The following PPHLN1 variants were observed in gnomAD, a reference collection of about 807,000 sequenced individuals.
PPHLN1 encodes periphilin 1, also known as periphilin-1.
In PPHLN1, 29 loss-of-function variants were observed where a neutral mutation model predicts 51.3. The observed-to-expected ratio is 0.57, with a 90% confidence interval of 0.42 to 0.77. The LOEUF (loss-of-function observed/expected upper bound fraction) is 0.77, where lower values mean the gene tolerates loss of function less well. PPHLN1 is among the 30% of genes least tolerant of loss of function. The pLI is 0.00. For synonymous variants in PPHLN1, 147 were observed against 147.8 expected (o/e 0.99, Z 0.04); for missense variants, 436 against 438.4 (o/e 0.99, Z 0.05).
At chr12:42,383,983 CAAAAAAAAAAAAAAA>C (rs61016692) in intron 5 of PPHLN1, among the ~76,000 whole-genome samples, 11,175 of 52,524 alleles carry the variant, frequency 0.21, 718 homozygotes, top group Middle Eastern at 0.41. Context: ...GACTGTGTCT[CAAAAAAAAAAAAAAA>C]AAAAAAAAAA....
chr12:42,426,172 C>CCACACACACACA (rs71084653), intron 9 of PPHLN1, among the ~76,000 whole-genome samples: 1,244 of 122,110 alleles, frequency 0.01, 21 homozygotes, highest in African/African-American at 0.015. Context: ...AGACTTGACA[C>CCACACACACACA]CACACACACA....
At chr12:42,412,789 GT>G (rs2079992319) in intron 9 of PPHLN1, among the ~76,000 whole-genome samples, 1 of 152,012 alleles carries the variant, frequency 6.6e-6, no homozygotes, top group African/African-American at 2.4e-5. Flanking sequence ...CAACATTATT[GT>G]TTTTTGACTT....
intron 5 of PPHLN1, among the ~76,000 whole-genome samples, chr12:42,381,209 CTCA>C (rs1352918434): frequency 1.3e-5 from 2 of 152,168 alleles, no homozygotes; most frequent in Non-Finnish European, 2.9e-5. Flanking sequence ...CCATTGTTTA[CTCA>C]CAAGAGAGCT....
At chr12:42,354,962 A>G (rs2073863085) in intron 3 of PPHLN1, among the ~76,000 whole-genome samples, 199 bp from the exon 4 acceptor site, 2 of 152,226 alleles carry the variant, frequency 1.3e-5, no homozygotes, top group African/African-American at 4.8e-5. Flanking sequence ...AAGCATTTTA[A>G]TAGAGATAAA....
At chr12:42,379,502 G>T (rs1311034152) in intron 5 of PPHLN1, among the ~76,000 whole-genome samples, 1 of 148,076 alleles carries the variant, frequency 6.8e-6, no homozygotes, top group Non-Finnish European at 1.5e-5. Flanking sequence ...CCTTTTATTT[G>T]TCATGGTTTC....
At chr12:42,439,067 G>A (rs968939097) in intron 9 of PPHLN1, among the ~76,000 whole-genome samples, 1 of 151,990 alleles carries the variant, frequency 6.6e-6, no homozygotes, top group Non-Finnish European at 1.5e-5. Context: ...AATTTATTGG[G>A]GTTTTTCTTG....
At chr12:42,388,575 T>C (rs1592641086) in intron 7 of PPHLN1, among the ~76,000 whole-genome samples, 1 of 152,238 alleles carries the variant, frequency 6.6e-6, no homozygotes, top group African/African-American at 2.4e-5. Flanking sequence ...TGCAGGTCCT[T>C]ATTATGGTGA....
downstream of PPHLN1, chr12:42,443,515 C>T (rs981811133): frequency 6.6e-6 from 1 of 152,174 alleles, no homozygotes; most frequent in African/African-American, 2.4e-5. Flanking sequence ...AGTACCTCCC[C>T]TGGAGGACAG....
At chr12:42,437,595 T>C (rs1184551684) in intron 9 of PPHLN1, among the ~76,000 whole-genome samples, 1 of 152,224 alleles carries the variant, frequency 6.6e-6, no homozygotes, top group Admixed American at 6.5e-5. Flanking sequence ...ATATGCCCGT[T>C]CTCCCTACAC....
At chr12:42,432,210 AG>A in intron 9 of PPHLN1, 2 of 805,304 alleles carry the variant, frequency 2.5e-6, no homozygotes, top group South Asian at 2.7e-5. Context: ...TCTATTTCAG[AG>A]GGGTTAGACA....
chr12:42,432,042 C>A, intron 9 of PPHLN1: 1 of 1,556,330 alleles, frequency 6.4e-7, no homozygotes, highest in Non-Finnish European at 8.9e-7. Flanking sequence ...GGGCACAGAA[C>A]TGATGGAGGA....
At chr12:42,356,423 A>T (rs2074054685) in intron 4 of PPHLN1, among the ~76,000 whole-genome samples, 1 of 152,188 alleles carries the variant, frequency 6.6e-6, no homozygotes, top group Non-Finnish European at 1.5e-5. Flanking sequence ...CCTTTTGTAG[A>T]AAGCAGAAAG....
intron 9 of PPHLN1, among the ~76,000 whole-genome samples, chr12:42,437,223 G>A (rs955361229): frequency 5.3e-5 from 8 of 152,068 alleles, no homozygotes; most frequent in East Asian, 1.9e-4. Context: ...CCCAAACACC[G>A]TTTCCTTTTC....
At chr12:42,428,585 G>A (rs2081717282) in intron 9 of PPHLN1, among the ~76,000 whole-genome samples, 1 of 152,110 alleles carries the variant, frequency 6.6e-6, no homozygotes. Flanking sequence ...AAAGGCATAA[G>A]AAAGACACAG....
intron 1 of PPHLN1, among the ~76,000 whole-genome samples, chr12:42,329,303 C>T (rs1364903576): frequency 6.6e-6 from 1 of 152,010 alleles, no homozygotes; most frequent in Non-Finnish European, 1.5e-5. Context: ...GATGGGGTTT[C>T]ACCGTGTTAG....
intron 5 of PPHLN1, among the ~76,000 whole-genome samples, chr12:42,377,301 C>CTTT (rs11297368): frequency 2.5e-3 from 259 of 104,716 alleles, no homozygotes; most frequent in Non-Finnish European, 3.7e-3. Flanking sequence ...TTTTTTCTTT[C>CTTT]TTTTTTTTTT....
intron 4 of PPHLN1, among the ~76,000 whole-genome samples, chr12:42,373,365 A>G (rs2075974151): frequency 1.3e-5 from 2 of 152,232 alleles, no homozygotes; most frequent in Non-Finnish European, 2.9e-5. Context: ...CCATAAATGA[A>G]TTTAAGCTAT....
chr12:42,372,105 A>G (rs1401713147), intron 4 of PPHLN1, among the ~76,000 whole-genome samples: 1 of 152,146 alleles, frequency 6.6e-6, no homozygotes, highest in Non-Finnish European at 1.5e-5. Flanking sequence ...TGCTGTTCAT[A>G]TGGTGGACAC....
In PPHLN1 at chr12:42,441,909, A is replaced by C; in HGVS notation, c.*400A>C. Reference sequence around the variant, plus strand: ...TTTTTCTTAGGCTTTGTAACTTGTAATATGTTAAAGTGTACTATCCTAATA... The same window carrying C: ...TTTTTCTTAGGCTTTGTAACTTGTACTATGTTAAAGTGTACTATCCTAATA... On this transcript the variant is annotated 3_prime_UTR_variant, in exon 10 of 10. Transcript: ENST00000358314. The C allele has an allele frequency of 1.0e-6, 1 of 981,556 alleles. No individual in the cohort carries two copies. Among genetic ancestry groups the C allele is most frequent in the Non-Finnish European group, 1.2e-6 (1 of 824,756 alleles). The allele number at this position is 981,556 out of a possible 1,614,324, so 60.8% of individuals were successfully genotyped here.
Sources: allele counts gnomAD v4.1 joint callset (sites outside exome capture counted in the v4.1 genomes callset), GRCh38; gene constraint gnomAD v4.1.1; transcripts MANE v1.5; gene names NCBI Gene and HGNC (gene_info 2026-07-23, HGNC 2026-07-21).